ABCC3: variants seen among roughly 807,000 people sequenced by gnomAD.
ABCC3 encodes the protein ATP-binding cassette sub-family C member 3.
Under a neutral mutation model 165.3 loss-of-function variants are expected in ABCC3, and 121 were observed. The ratio of observed to expected loss-of-function variants is 0.73; its 90% CI spans 0.63 to 0.85. The LOEUF is 0.85. Ranked by LOEUF, ABCC3 falls within the 40% of genes least tolerant of loss-of-function variation. The pLI is 0.00. For missense variants in ABCC3, 1,869 were observed against 1,964.1 expected (o/e 0.95, Z 0.92); for synonymous variants, 733 against 810.1 (o/e 0.90, Z 1.62).
In ABCC3 at chr17:50,668,930, C is replaced by T. The variant is rs935953390; in HGVS notation, c.1937+11C>T. 5.6e-6 allele frequency: 9 copies of T among 1,613,814 alleles called. No homozygotes were observed. The East Asian group carries it at 2.0e-4, about 36-fold the overall frequency. On this transcript the variant is annotated intron_variant, in intron 15 of 30. Coordinates refer to ENST00000285238, the MANE Select transcript of ABCC3 (RefSeq NM_003786.4). ...CCCCACTCTGCACAGGTACCAGCTT[C>T]TCCCACTCCCTTCCCAGCTGCCCAC...
chr17:50,663,584 G>A, intron 8 of ABCC3, 97 bp from the exon 9 acceptor site: 4 of 1,408,952 alleles, frequency 2.8e-6, no homozygotes, highest in Admixed American at 1.8e-5. Context: ...AGAGGCCAGG[G>A]GTGCAGTGGA....
rs375273144 is a variant in ABCC3 at position 50,658,190 on chromosome 17, G to A, written c.595G>A (p.Ala199Thr). 33 of 1,614,148 alleles carry A rather than the reference G, an allele frequency of 2.0e-5. No individual in the cohort carries two copies. The highest frequency in any genetic ancestry group is 7.7e-5 in the South Asian group (7 of 91,088). ...CFREKPPFFSAKNVDPNPYPE... is the reference protein window; with the variant it reads ...CFREKPPFFSTKNVDPNPYPE... ...CAGGGAGAAACCTCCATTTTTCTCC[G>A]CAAAGAATGTCGACCCTGTGAGTTT... Residue 199 changes from alanine to threonine, a missense_variant, in exon 5 of 31, where the codon GCA (alanine) becomes ACA (threonine). Coordinates refer to ENST00000285238, the MANE Select transcript of ABCC3 (RefSeq NM_003786.4).
rs34620384 is a variant in ABCC3 at position 50,677,861 on chromosome 17, C to T, written c.3496C>T (p.Arg1166Cys). Residue 1166 changes from arginine (R) to cysteine (C), a missense_variant, in exon 24 of 31, where the codon CGC becomes TGC. By Grantham distance (180) the Arg-to-Cys change is radical (BLOSUM62 -3). Coordinates refer to ENST00000285238, the MANE Select transcript of ABCC3 (RefSeq NM_003786.4). Reference sequence around the variant, plus strand: ...TGCCAGTGTCATCCGGGCCTACAACCGCAGCCGGGATTTTGAGATCATCAG... The same window carrying T: ...TGCCAGTGTCATCCGGGCCTACAACTGCAGCCGGGATTTTGAGATCATCAG... ...TGASVIRAYN[R>C]SRDFEIISDT... is the part of the protein sequence containing the mutation. 9.8e-5 allele frequency: 158 copies of T among 1,614,154 alleles called. No homozygotes were observed. In the African/African-American group the frequency reaches 1.1e-3, roughly 11 times the overall value.
chr17:50,644,940 C>T (rs111849622), intron 1 of ABCC3, among the ~76,000 whole-genome samples: 1 of 152,196 alleles, frequency 6.6e-6, no homozygotes, highest in Non-Finnish European at 1.5e-5. Context: ...ATGGCGTGAA[C>T]CCGGGAGGCG....
intron 8 of ABCC3, among the ~76,000 whole-genome samples, chr17:50,661,648 G>A (rs1967391906): frequency 6.6e-6 from 1 of 152,208 alleles, no homozygotes; most frequent in Admixed American, 6.5e-5. Context: ...CTCCGTGCAT[G>A]CATTAATTTG....
intron 26 of ABCC3, 121 bp from the exon 27 acceptor site, chr17:50,683,489 C>T (rs980130436): frequency 1.7e-6 from 2 of 1,176,762 alleles, no homozygotes; most frequent in Non-Finnish European, 2.2e-6. Context: ...CACAGGGGTG[C>T]CAAGGACCCT....
rs368354847 is a variant in ABCC3, at chr17:50,664,056, A to G, written c.1283A>G (p.Asn428Ser). The G allele has an allele frequency of 1.4e-5, 23 of 1,614,102 alleles. No homozygotes were observed. The East Asian group carries it at 2.0e-4, about 14-fold the overall frequency. Residue 428 changes from asparagine to serine, a missense_variant, in exon 10 of 31, where the codon AAT becomes AGT. Asn to Ser is a conservative substitution (Grantham distance 46). Coordinates refer to ENST00000285238, the MANE Select transcript of ABCC3 (RefSeq NM_003786.4). ...TTCATGGACCTTGCCCCCTTCCTCA[A>G]TCTGCTGTGGTCAGCACCCCTGCAG... Reference protein sequence around the residue: ...QRFMDLAPFLNLLWSAPLQII... With the variant: ...QRFMDLAPFLSLLWSAPLQII...
intron 7 of ABCC3, 94 bp from the exon 8 acceptor site, chr17:50,660,826 TTCC>T: frequency 7.0e-6 from 7 of 1,002,494 alleles, no homozygotes; most frequent in South Asian, 1.6e-5. Flanking sequence ...AAACAGCTCC[TTCC>T]TCCTCCTCAC....
At chr17:50,671,309 C>A (rs1967642203) in intron 17 of ABCC3, among the ~76,000 whole-genome samples, 1 of 151,834 alleles carries the variant, frequency 6.6e-6, no homozygotes, top group Admixed American at 6.6e-5. Flanking sequence ...GTGTACAGTT[C>A]AGCAATGTTA....
chr17:50,655,403 T>TAAAA (rs1967208533), intron 1 of ABCC3, among the ~76,000 whole-genome samples: 2 of 22,992 alleles, frequency 8.7e-5, no homozygotes, highest in African/African-American at 1.4e-4. Context: ...AGACTCTGTC[T>TAAAA]CAAAAAAAAA....
intron 1 of ABCC3, among the ~76,000 whole-genome samples, chr17:50,650,191 C>T (rs754291909): frequency 2.6e-5 from 4 of 152,162 alleles, no homozygotes; most frequent in Admixed American, 6.5e-5. Context: ...CTGCAACCTC[C>T]GCCTCCCGGG....
Position 50,664,065 on chromosome 17 carries a change from G to T in ABCC3, c.1292G>T (p.Trp431Leu). The stretch of plus-strand genomic sequence containing the variant: ...CTTGCCCCCTTCCTCAATCTGCTGT[G>T]GTCAGCACCCCTGCAGATCATCCTG... The part of the protein sequence containing the change: ...MDLAPFLNLL[W>L]SAPLQIILAI... The change falls in exon 10 of 31, where the codon TGG (tryptophan) becomes TTG (leucine). Residue 431 changes from tryptophan (W) to leucine (L), a missense_variant. Transcript: ENST00000285238. 1 of 1,614,176 alleles carries T rather than the reference G, an allele frequency of 6.2e-7. No homozygotes were observed. Among genetic ancestry groups the T allele is most frequent in the Non-Finnish European group, 8.5e-7 (1 of 1,180,024 alleles).
intron 26 of ABCC3, among the ~76,000 whole-genome samples, chr17:50,680,605 C>T (rs1967911253): frequency 6.6e-6 from 1 of 152,166 alleles, no homozygotes; most frequent in African/African-American, 2.4e-5. Context: ...CTCTGTCCAT[C>T]AGCTTCTCTG....
chr17:50,666,666 G>T (rs1967532971), intron 11 of ABCC3, among the ~76,000 whole-genome samples: 1 of 152,330 alleles, frequency 6.6e-6, no homozygotes, highest in Middle Eastern at 3.4e-3. Flanking sequence ...CAGATCGTCA[G>T]CTGTATCATG....
intron 19 of ABCC3, among the ~76,000 whole-genome samples, chr17:50,673,980 C>CTTTCTTTCTTTTTCTT (rs1967725765): frequency 1.1e-4 from 1 of 9,414 alleles, no homozygotes. Context: ...TTCTTTCTTT[C>CTTTCTTTCTTTTTCTT]TCTCTCTCTC....
intron 1 of ABCC3, among the ~76,000 whole-genome samples, chr17:50,644,260 A>ACCG (rs1966953340): frequency 7.0e-6 from 1 of 142,580 alleles, no homozygotes; most frequent in Non-Finnish European, 1.5e-5. Context: ...GCAGTGAGCC[A>ACCG]AGGTCACACC....
At chr17:50,665,601 T>C (rs1379420168) in intron 11 of ABCC3, among the ~76,000 whole-genome samples, 1 of 143,770 alleles carries the variant, frequency 7.0e-6, no homozygotes, top group African/African-American at 2.8e-5. Context: ...CTTGAAGTGT[T>C]TTTTTTCTTT....
chr17:50,645,444 C>T (rs1309951767), intron 1 of ABCC3, among the ~76,000 whole-genome samples: 1 of 147,824 alleles, frequency 6.8e-6, no homozygotes, highest in Non-Finnish European at 1.5e-5. Context: ...TTCAACAGTT[C>T]ACATAGCCAG....
rs763821248 is a variant in ABCC3, at chr17:50,678,118, G to T, written c.3604G>T (p.Val1202Leu). Reference protein sequence around the residue: ...NRWLSIGVEFVGNCVVLFAAL... With the variant: ...NRWLSIGVEFLGNCVVLFAAL... Reference sequence around the variant, plus strand: ...GTGGCTGAGCATCGGAGTGGAGTTCGTGGGGAACTGCGTGGTGCTCTTTGC... The same window carrying T: ...GTGGCTGAGCATCGGAGTGGAGTTCTTGGGGAACTGCGTGGTGCTCTTTGC... Residue 1202 changes from valine to leucine, a missense_variant, in exon 25 of 31, where the codon GTG (valine) becomes TTG (leucine). Physicochemically the swap from Val to Leu is conservative, Grantham distance 32 (BLOSUM62 1). Coordinates refer to ENST00000285238, the MANE Select transcript of ABCC3 (RefSeq NM_003786.4). 2 of 1,592,814 alleles carry T rather than the reference G, an allele frequency of 1.3e-6. No individual in the cohort carries two copies. The highest frequency in any genetic ancestry group is 4.5e-5 in the East Asian group (2 of 44,666).
Sources: allele counts gnomAD v4.1 joint callset (sites outside exome capture counted in the v4.1 genomes callset), GRCh38; gene constraint gnomAD v4.1.1; transcripts MANE v1.5; gene names NCBI Gene and HGNC (gene_info 2026-07-23, HGNC 2026-07-21).